The following CPQ variants were observed in gnomAD, a reference collection of about 807,000 sequenced individuals.
CPQ encodes the protein Ser-Met dipeptidase.
In CPQ, 37 loss-of-function variants were observed where a neutral mutation model predicts 45.7. The observed-to-expected ratio is 0.81, with a 90% confidence interval of 0.62 to 1.07. CPQ has a LOEUF of 1.07. Ranked by LOEUF, CPQ falls within the 50% of genes least tolerant of loss-of-function variation. The pLI, the probability that CPQ is intolerant of heterozygous loss-of-function variation, is 0.00. For missense variants in CPQ, 537 were observed against 572.9 expected, an observed-to-expected ratio of 0.94 and a Z score of 0.64; for synonymous variants, 186 against 205.8, an observed-to-expected ratio of 0.90 and a Z score of 0.82.
intron 4 of CPQ, among the ~76,000 whole-genome samples, chr8:96,945,033 G>T (rs549078722): frequency 6.6e-6 from 1 of 152,254 alleles, no homozygotes; most frequent in Non-Finnish European, 1.5e-5. Flanking sequence ...AGAAGCTGTA[G>T]AATTAGATTG....
chr8:97,113,375 G>T (rs1811530515), intron 7 of CPQ, among the ~76,000 whole-genome samples: 1 of 152,162 alleles, frequency 6.6e-6, no homozygotes, highest in Non-Finnish European at 1.5e-5. Context: ...AACATAAACA[G>T]GACTTTAATG....
intron 6 of CPQ, 137 bp downstream of exon 6, chr8:97,029,631 C>T (rs906372981): frequency 1.4e-6 from 1 of 726,402 alleles, no homozygotes; most frequent in Non-Finnish European, 2.4e-6. Context: ...CCTTCTCCCT[C>T]CAGCCCTGTG....
intron 7 of CPQ, among the ~76,000 whole-genome samples, chr8:97,077,688 GATATTTCCAGACTATGTGGTTCA>G (rs1459326082): frequency 3.2e-4 from 48 of 151,850 alleles, no homozygotes; most frequent in Non-Finnish European, 6.3e-4. Context: ...TAATTATTTT[GATATTTCCAGACTATGTGGTTCA>G]TTGTAGAATT....
At chr8:96,672,082 T>C (rs888549523) in intron 1 of CPQ, among the ~76,000 whole-genome samples, 1 of 105,532 alleles carries the variant, frequency 9.5e-6, no homozygotes, top group African/African-American at 3.2e-5. Flanking sequence ...CAGCTTTCTA[T>C]GTAATAAAAA....
chr8:96,933,538 C>T (rs188241835), intron 4 of CPQ, among the ~76,000 whole-genome samples: 15 of 152,260 alleles, frequency 9.9e-5, no homozygotes, highest in Non-Finnish European at 1.9e-4. Context: ...GGAGACTGAA[C>T]GCTGGTGTTT....
chr8:96,982,743 C>T (rs980786564), intron 5 of CPQ, among the ~76,000 whole-genome samples: 5 of 152,154 alleles, frequency 3.3e-5, no homozygotes, highest in African/African-American at 1.2e-4. Flanking sequence ...CAGACTGTAT[C>T]TAGTTCTGAG....
chr8:97,043,422 G>A (rs1405420549), intron 6 of CPQ, among the ~76,000 whole-genome samples: 4 of 151,808 alleles, frequency 2.6e-5, no homozygotes, highest in Non-Finnish European at 1.5e-5. Context: ...CACACTGATG[G>A]GTCTTGACTC....
chr8:97,072,348 C>T (rs1810758247), intron 7 of CPQ, among the ~76,000 whole-genome samples: 1 of 152,130 alleles, frequency 6.6e-6, no homozygotes, highest in Non-Finnish European at 1.5e-5. Context: ...TCCCTGCTGT[C>T]TCCAGAGTAT....
chr8:96,764,602 G>C (rs1040475569), intron 1 of CPQ, among the ~76,000 whole-genome samples: 25 of 152,144 alleles, frequency 1.6e-4, no homozygotes, highest in African/African-American at 6.0e-4. Flanking sequence ...CTAAAAAAGT[G>C]ATAAAAAACA....
chr8:96,881,099 T>G (rs1212813536), intron 4 of CPQ, among the ~76,000 whole-genome samples: 1 of 152,214 alleles, frequency 6.6e-6, no homozygotes, highest in Non-Finnish European at 1.5e-5. Flanking sequence ...TAGTTAATAC[T>G]TATTGTGTTA....
intron 1 of CPQ, among the ~76,000 whole-genome samples, chr8:96,654,444 T>C (rs1815614960): frequency 6.6e-6 from 1 of 152,176 alleles, no homozygotes; most frequent in African/African-American, 2.4e-5. Context: ...CCTTCTAGGC[T>C]TTCATGATGT....
chr8:96,987,916 G>A (rs948933910), intron 5 of CPQ, among the ~76,000 whole-genome samples: 2 of 152,176 alleles, frequency 1.3e-5, no homozygotes, highest in African/African-American at 2.4e-5. Context: ...ATGGCATAAA[G>A]TGAATTCCCA....
chr8:97,092,074 C>T (rs1286558105), intron 7 of CPQ, among the ~76,000 whole-genome samples: 1 of 152,126 alleles, frequency 6.6e-6, no homozygotes, highest in East Asian at 1.9e-4. Context: ...CTGTTTGACA[C>T]ATAATACTGA....
At chr8:97,131,921 C>T (rs1811965550) in intron 7 of CPQ, among the ~76,000 whole-genome samples, 1 of 152,126 alleles carries the variant, frequency 6.6e-6, no homozygotes, top group African/African-American at 2.4e-5. Context: ...TTTTTTGTCT[C>T]ATATCCAGTT....
chr8:96,826,051 G>C (rs1811374867), intron 2 of CPQ, among the ~76,000 whole-genome samples: 1 of 152,046 alleles, frequency 6.6e-6, no homozygotes, highest in African/African-American at 2.4e-5. Flanking sequence ...ATGGCTGCTT[G>C]TTTTATTTAG....
intron 5 of CPQ, among the ~76,000 whole-genome samples, chr8:96,993,624 G>A (rs1361127829): frequency 6.6e-6 from 1 of 152,042 alleles, no homozygotes; most frequent in Non-Finnish European, 1.5e-5. Context: ...TCAGTAGGTA[G>A]ATGAGCTAAA....
At chr8:96,770,700 T>TTA (rs150102341) in intron 1 of CPQ, among the ~76,000 whole-genome samples, 6,844 of 147,218 alleles carry the variant, frequency 0.046, 222 homozygotes, top group Middle Eastern at 0.11. Context: ...GAGTGTTATT[T>TTA]TATATATATA....
chr8:96,665,515 C>T (rs539511806), intron 1 of CPQ, among the ~76,000 whole-genome samples: 5 of 152,132 alleles, frequency 3.3e-5, no homozygotes, highest in East Asian at 1.9e-4. Context: ...AGGGAAATCC[C>T]GAGTTAGGGA....
intron 1 of CPQ, among the ~76,000 whole-genome samples, chr8:96,767,523 C>T (rs1325956385): frequency 2.0e-5 from 3 of 148,584 alleles, no homozygotes; most frequent in African/African-American, 7.5e-5. Flanking sequence ...TCTTCATCAT[C>T]CTTTAAATTA....
Sources: allele counts gnomAD v4.1 joint callset (sites outside exome capture counted in the v4.1 genomes callset), GRCh38; gene constraint gnomAD v4.1.1; transcripts MANE v1.5; gene names NCBI Gene and HGNC (gene_info 2026-07-23, HGNC 2026-07-21).